Variants in SLC4A10 observed in about 807,000 individuals in gnomAD.
The protein encoded by SLC4A10 is solute carrier family 4 member 10.
Under a neutral mutation model 137.7 loss-of-function variants are expected in SLC4A10, and 42 were observed. The observed-to-expected ratio is 0.30, with a 90% CI of 0.24 to 0.39. The LOEUF is 0.39. Ranked by LOEUF, SLC4A10 falls within the 10% of genes least tolerant of loss-of-function variation. The pLI is 1.00. For synonymous variants in SLC4A10, 474 were observed against 464.1 expected (o/e 1.02, Z -0.27); for missense variants, 925 against 1,355.0 (o/e 0.68, Z 4.98).
intron 2 of SLC4A10, among the ~76,000 whole-genome samples, chr2:161,793,341 G>A (rs1306444775): frequency 6.6e-6 from 1 of 152,050 alleles, no homozygotes; most frequent in Non-Finnish European, 1.5e-5. Context: ...AATACAATAT[G>A]TTATTAACTA....
intron 1 of SLC4A10, among the ~76,000 whole-genome samples, chr2:161,635,679 G>A (rs13427174): frequency 0.029 from 4,419 of 152,186 alleles, 231 homozygotes; most frequent in African/African-American, 0.1. Context: ...CAGGTAATTT[G>A]GGTGCAGTGA....
intron 3 of SLC4A10, among the ~76,000 whole-genome samples, chr2:161,826,227 A>G (rs1046774952): frequency 6.6e-6 from 1 of 152,188 alleles, no homozygotes; most frequent in African/African-American, 2.4e-5. Flanking sequence ...ACTTGTCATA[A>G]TTTCATAAGA....
intron 1 of SLC4A10, among the ~76,000 whole-genome samples, chr2:161,635,018 A>G (rs926184863): frequency 2.6e-5 from 4 of 152,110 alleles, no homozygotes; most frequent in Non-Finnish European, 5.9e-5. Context: ...TTCTGATTAT[A>G]AGCTCTATCA....
intron 3 of SLC4A10, among the ~76,000 whole-genome samples, chr2:161,807,121 A>G (rs1202837720): frequency 2.0e-5 from 3 of 152,106 alleles, no homozygotes; most frequent in African/African-American, 7.2e-5. Flanking sequence ...GATCTCATGG[A>G]CTTACTCACT....
intron 3 of SLC4A10, among the ~76,000 whole-genome samples, chr2:161,836,661 A>T (rs577598681): frequency 1.3e-5 from 2 of 151,846 alleles, no homozygotes; most frequent in African/African-American, 4.8e-5. Flanking sequence ...CTGGAAAAAA[A>T]AAAACCCCAT....
At chr2:161,846,182 CA>C (rs2059481785) in intron 4 of SLC4A10, among the ~76,000 whole-genome samples, 1 of 151,838 alleles carries the variant, frequency 6.6e-6, no homozygotes, top group Admixed American at 6.6e-5. Flanking sequence ...GACATTTCAC[CA>C]AAGAAGAGAT....
intron 1 of SLC4A10, among the ~76,000 whole-genome samples, chr2:161,705,613 G>A (rs887905670): frequency 2.0e-5 from 3 of 151,542 alleles, no homozygotes; most frequent in African/African-American, 7.3e-5. Context: ...TGAGACATTT[G>A]GGAGATGATT....
chr2:161,668,550 A>T (rs1333188678), intron 1 of SLC4A10, among the ~76,000 whole-genome samples: 1 of 151,792 alleles, frequency 6.6e-6, no homozygotes. Flanking sequence ...TTGAACAGGG[A>T]CTTTAAATAT....
At chr2:161,775,898 A>G (rs2052265254) in intron 2 of SLC4A10, among the ~76,000 whole-genome samples, 1 of 151,920 alleles carries the variant, frequency 6.6e-6, no homozygotes, top group Non-Finnish European at 1.5e-5. Context: ...AATGATCATA[A>G]AGAGAAGAAA....
At chr2:161,955,851 G>T (rs1695564259) in intron 19 of SLC4A10, among the ~76,000 whole-genome samples, 1 of 152,076 alleles carries the variant, frequency 6.6e-6, no homozygotes, top group African/African-American at 2.4e-5. Context: ...TCTGCTCATG[G>T]TCATAATAAC....
intron 1 of SLC4A10, among the ~76,000 whole-genome samples, chr2:161,693,772 T>C (rs1387471074): frequency 6.6e-6 from 1 of 151,610 alleles, no homozygotes; most frequent in Non-Finnish European, 1.5e-5. Context: ...GCCCTTCAGG[T>C]TCATCCATGT....
At chr2:161,744,816 T>A (rs1452617484) in intron 1 of SLC4A10, among the ~76,000 whole-genome samples, 1 of 150,510 alleles carries the variant, frequency 6.6e-6, no homozygotes, top group Non-Finnish European at 1.5e-5. Flanking sequence ...CTTAAAAAGA[T>A]ATTGTAGTTT....
At chr2:161,977,580 T>G in intron 25 of SLC4A10, 142 bp from the exon 26 acceptor site, 1 of 639,968 alleles carries the variant, frequency 1.6e-6, no homozygotes, top group East Asian at 2.9e-5. Context: ...GAGGAATTCC[T>G]ATGTTATGCT....
intron 1 of SLC4A10, among the ~76,000 whole-genome samples, chr2:161,660,588 C>CTTTCTTTCTTTCT (rs1558969251): frequency 8.3e-6 from 1 of 120,926 alleles, no homozygotes; most frequent in Non-Finnish European, 2.0e-5. Context: ...TTCTTTCTTT[C>CTTTCTTTCTTTCT]TTTCTTTCTT....
chr2:161,860,428 A>C (rs1382255620), intron 5 of SLC4A10, among the ~76,000 whole-genome samples: 2 of 152,178 alleles, frequency 1.3e-5, no homozygotes, highest in Non-Finnish European at 2.9e-5. Context: ...AGAATATTGA[A>C]CTGGGAATTC....
At chr2:161,642,346 T>C (rs1377357512) in intron 1 of SLC4A10, among the ~76,000 whole-genome samples, 1 of 151,960 alleles carries the variant, frequency 6.6e-6, no homozygotes, top group East Asian at 1.9e-4. Context: ...TTTCTGTTGT[T>C]TTTCTTGGTT....
At chr2:161,908,037 G>A (rs1235515002) in intron 15 of SLC4A10, among the ~76,000 whole-genome samples, 2 of 151,956 alleles carry the variant, frequency 1.3e-5, no homozygotes, top group East Asian at 3.9e-4. Flanking sequence ...AAAGTCCCTT[G>A]GTCTAGAAAG....
intron 2 of SLC4A10, among the ~76,000 whole-genome samples, chr2:161,773,193 G>A (rs1353579501): frequency 6.6e-6 from 1 of 151,848 alleles, no homozygotes; most frequent in Non-Finnish European, 1.5e-5. Flanking sequence ...TTCCCATGGT[G>A]GAGGATGGAA....
At chr2:161,981,373 G>A (rs1325353712) in intron 26 of SLC4A10, among the ~76,000 whole-genome samples, 1 of 152,148 alleles carries the variant, frequency 6.6e-6, no homozygotes, top group Non-Finnish European at 1.5e-5. Context: ...GGGAATACCA[G>A]CCTCAGAATT....
Sources: gnomAD v4.1 joint callset for allele counts (sites outside exome capture counted in the v4.1 genomes callset) on GRCh38, gnomAD v4.1.1 for gene constraint, MANE v1.5 for transcripts, NCBI Gene and HGNC (gene_info 2026-07-23, HGNC 2026-07-21) for gene names.